Variants in RBM19 observed in about 807,000 individuals in gnomAD.
RBM19 encodes the protein probable RNA-binding protein 19.
A neutral mutation model predicts 116.8 loss-of-function variants in RBM19; 94 were observed. The observed-to-expected ratio is 0.80, with a 90% CI of 0.68 to 0.95. The LOEUF (loss-of-function observed/expected upper bound fraction) is 0.95. Among genes scored for constraint, RBM19 ranks in the 40% least tolerant of loss-of-function variants. The pLI, the probability that RBM19 is intolerant of heterozygous loss-of-function variation, is 0.00. For missense variants in RBM19, 1,161 were observed against 1,220.7 expected (o/e 0.95, Z 0.73); for synonymous variants, 475 against 494.1 (o/e 0.96, Z 0.51).
In RBM19 at chr12:113,866,832, T is replaced by C. The variant is rs143254227; in HGVS notation, c.2559-7936A>G. Among the ~76,000 whole-genome samples the C allele has an allele frequency of 1.2e-3, 187 of 152,310 alleles. 1 individual carries two copies. Among genetic ancestry groups the C allele is most frequent in the African/African-American group, 4.3e-3 (177 of 41,560 alleles). ...CAGGACTAGCAGATCTTCCCCTTCT[T>C]CCAAAGAAGCTAGTGGTCCAGATTA... is the stretch of plus-strand genomic sequence containing the variant. On this transcript the variant is annotated intron_variant, in intron 21 of 23. Transcript: ENST00000261741.
At chr12:113,893,902 T>C (rs1457062825) in intron 21 of RBM19, among the ~76,000 whole-genome samples, 1 of 152,196 alleles carries the variant, frequency 6.6e-6, no homozygotes, top group African/African-American at 2.4e-5. Flanking sequence ...ACAGCGTAGA[T>C]GGAGAGTATC....
intron 23 of RBM19, among the ~76,000 whole-genome samples, chr12:113,828,220 A>G (rs1248077547): frequency 6.6e-6 from 1 of 152,116 alleles, no homozygotes; most frequent in Non-Finnish European, 1.5e-5. Flanking sequence ...ATCAGTGACT[A>G]ATGTTCAAAA....
chr12:113,926,987 T>C, intron 17 of RBM19, 67 bp downstream of exon 17: 2 of 1,501,188 alleles, frequency 1.3e-6, no homozygotes, highest in South Asian at 1.3e-5. Context: ...ATAAATGCAG[T>C]GGCCGTATCA....
intron 21 of RBM19, among the ~76,000 whole-genome samples, chr12:113,875,744 C>T (rs977697936): frequency 5.9e-5 from 9 of 152,216 alleles, no homozygotes; most frequent in Admixed American, 4.6e-4. Context: ...CTGTTTATCT[C>T]ACAAGTGCGT....
At chr12:113,891,899 T>G (rs1034835575) in intron 21 of RBM19, among the ~76,000 whole-genome samples, 21 of 152,208 alleles carry the variant, frequency 1.4e-4, no homozygotes, top group African/African-American at 1.7e-4. Flanking sequence ...GTCTTCCCGC[T>G]CATTTCCCTG....
chr12:113,928,625 A>ATGTGTGTG (rs57242923), intron 16 of RBM19, among the ~76,000 whole-genome samples: 8,915 of 120,306 alleles, frequency 0.074, 619 homozygotes, highest in African/African-American at 0.17. Context: ...TTAGCAAGGG[A>ATGTGTGTG]TGTGTGTGTG....
intron 16 of RBM19, among the ~76,000 whole-genome samples, chr12:113,930,249 C>T (rs10774725): frequency 0.37 from 56,835 of 152,174 alleles, 10,943 homozygotes; most frequent in East Asian, 0.58. Context: ...AGAACCCAGC[C>T]AGTGCCCGGC....
rs372003109 is a variant in RBM19, at chr12:113,942,407, C to T, written c.1654G>A (p.Val552Met). 134 of 1,608,538 alleles carry T rather than the reference C, an allele frequency of 8.3e-5. No individual in the cohort carries two copies. Among genetic ancestry groups the T allele is most frequent in the Non-Finnish European group, 1.1e-4 (124 of 1,179,874 alleles). ...HETKGSVAVR[V>M]ALGETQLVQE... ...ACGAGCTGGGTTTCCCCCAGAGCCA[C>T]GCGCACGGCCACGCTGCCCTTGGTC... Residue 552 changes from valine to methionine, a missense_variant, in exon 14 of 24, where the codon GTG (valine) becomes ATG (methionine). Val to Met is a conservative substitution (Grantham distance 21, BLOSUM62 1). Transcript: ENST00000261741.
At chr12:113,819,174 C>G (rs980653506), downstream of RBM19, among the ~76,000 whole-genome samples, 3 of 152,212 alleles carry the variant, frequency 2.0e-5, no homozygotes, top group Non-Finnish European at 4.4e-5. Context: ...TTCCAGCCAG[C>G]CCTCCACTCT....
chr12:113,887,363 G>A (rs865906322), intron 21 of RBM19, among the ~76,000 whole-genome samples: 1 of 152,064 alleles, frequency 6.6e-6, no homozygotes, highest in African/African-American at 2.4e-5. Flanking sequence ...CTGGCTGGGC[G>A]CAGTGGCTCA....
At chr12:113,871,008 C>T (rs1189308909) in intron 21 of RBM19, among the ~76,000 whole-genome samples, 1 of 152,208 alleles carries the variant, frequency 6.6e-6, no homozygotes, top group East Asian at 1.9e-4. Flanking sequence ...AACCAGATTC[C>T]TCTTGCAGGG....
intron 23 of RBM19, among the ~76,000 whole-genome samples, chr12:113,831,738 C>T (rs914722365): frequency 3.3e-5 from 5 of 152,216 alleles, no homozygotes; most frequent in South Asian, 2.1e-4. Flanking sequence ...CACGGACAGC[C>T]GCTCCCGGGG....
intron 18 of RBM19, among the ~76,000 whole-genome samples, chr12:113,922,174 G>A (rs12579079): frequency 0.094 from 14,297 of 152,126 alleles, 791 homozygotes; most frequent in African/African-American, 0.13. Flanking sequence ...CTCCAGGCAC[G>A]GCAGGCGGAA....
chr12:113,952,575 AT>A lies in RBM19; in HGVS notation c.936del (p.Glu312AspfsTer6). 1 of 1,613,964 alleles carries A rather than the reference AT, an allele frequency of 6.2e-7. No individual in the cohort carries two copies. The highest frequency in any genetic ancestry group is 8.5e-7 in the Non-Finnish European group (1 of 1,179,862). On this transcript the variant is annotated frameshift_variant, in exon 8 of 24. Coordinates refer to ENST00000261741, the MANE Select transcript of RBM19 (RefSeq NM_016196.4). LOFTEE classifies it high-confidence loss of function. ...PFNVTEKNVM[E>X]FLAPLKPVAI... is the part of the protein sequence containing the mutation. ...GCCACTGGTTTCAGGGGTGCCAGGA[AT>A]TCCATAACATTTTTCTGTGAGAAGA...
intron 16 of RBM19, among the ~76,000 whole-genome samples, chr12:113,933,239 T>C (rs1869764643): frequency 6.6e-6 from 1 of 150,564 alleles, no homozygotes; most frequent in Admixed American, 6.6e-5. Flanking sequence ...CTTGGGAGCC[T>C]GAGAAAATCC....
Position 113,957,768 on chromosome 12 carries a change from G to A in RBM19, c.840+14C>T, listed in dbSNP as rs1223750950. 3 of 1,562,274 alleles carry A rather than the reference G, an allele frequency of 1.9e-6. No individual in the cohort carries two copies. The highest frequency in any genetic ancestry group is 3.5e-4 in the Middle Eastern group (2 of 5,744). ...CGCACCTCCTCCCTCATCACCTGCGGGATACACACGCACCTCGGCTCTGGC... is the reference window on the plus strand; with the variant it reads ...CGCACCTCCTCCCTCATCACCTGCGAGATACACACGCACCTCGGCTCTGGC... On this transcript the variant is annotated intron_variant, in intron 6 of 23. Transcript: ENST00000261741.
intron 21 of RBM19, among the ~76,000 whole-genome samples, chr12:113,891,144 C>T (rs1426116678): frequency 6.6e-6 from 1 of 152,114 alleles, no homozygotes; most frequent in Non-Finnish European, 1.5e-5. Flanking sequence ...GGGGCTATTT[C>T]CTAGCCACCA....
At chr12:113,883,272 G>A (rs759552861) in intron 21 of RBM19, among the ~76,000 whole-genome samples, 9 of 152,356 alleles carry the variant, frequency 5.9e-5, no homozygotes, top group South Asian at 2.1e-4. Context: ...TCTGGACAAC[G>A]CAGCCTGGGC....
intron 6 of RBM19, among the ~76,000 whole-genome samples, chr12:113,956,426 C>A (rs1347219687): frequency 6.6e-6 from 1 of 151,556 alleles, no homozygotes; most frequent in Non-Finnish European, 1.5e-5. Flanking sequence ...ACTAAAAATA[C>A]AAAAATTAGC....
Sources: allele counts gnomAD v4.1 joint callset (sites outside exome capture counted in the v4.1 genomes callset), GRCh38; gene constraint gnomAD v4.1.1; transcripts MANE v1.5; gene names NCBI Gene and HGNC (gene_info 2026-07-23, HGNC 2026-07-21).